Variants in OCA2 observed in about 807,000 individuals in gnomAD.
OCA2 encodes OCA2 melanosomal transmembrane protein.
Under a neutral mutation model 100.2 loss-of-function variants are expected in OCA2, and 77 were observed. The observed-to-expected ratio is 0.77, with a 90% CI of 0.64 to 0.93. The LOEUF is 0.93. Ranked by LOEUF, OCA2 falls within the 40% of genes least tolerant of loss-of-function variation. The pLI, the probability that OCA2 is intolerant of heterozygous loss-of-function variation, is 0.00. For synonymous variants in OCA2, 432 were observed against 439.2 expected (o/e 0.98, Z 0.21); for missense variants, 1,062 against 1,089.1 (o/e 0.98, Z 0.35).
intron 23 of OCA2, among the ~76,000 whole-genome samples, chr15:27,834,793 T>C (rs2035085497): frequency 6.6e-6 from 1 of 152,216 alleles, no homozygotes; most frequent in Non-Finnish European, 1.5e-5. Context: ...TGGTAACTAG[T>C]GGCTCCTGTC....
At chr15:27,974,724 C>G (rs771254533) in intron 14 of OCA2, among the ~76,000 whole-genome samples, 1 of 152,122 alleles carries the variant, frequency 6.6e-6, no homozygotes, top group Admixed American at 6.5e-5. Flanking sequence ...GCCAAGATCA[C>G]GCTACTGCAC....
At chr15:27,952,317 C>T (rs1214795043) in intron 17 of OCA2, among the ~76,000 whole-genome samples, 2 of 152,234 alleles carry the variant, frequency 1.3e-5, no homozygotes, top group Admixed American at 1.3e-4. Context: ...ATGCATGAGG[C>T]CCCTGGAATG....
At chr15:27,803,106 C>G (rs1309967208) in intron 23 of OCA2, among the ~76,000 whole-genome samples, 3 of 152,156 alleles carry the variant, frequency 2.0e-5, no homozygotes, top group Admixed American at 6.6e-5. Context: ...GAACAAGACA[C>G]TTTATCAAAG....
chr15:27,954,116 TACACACACACACACACACACAC>T (rs200633980), intron 17 of OCA2, among the ~76,000 whole-genome samples: 1 of 46,500 alleles, frequency 2.2e-5, no homozygotes, highest in African/African-American at 3.6e-5. Context: ...TTCCATGGCA[TACACACACACACACACACACAC>T]ACACACACAC....
intron 20 of OCA2, 21 bp downstream of exon 20, chr15:27,871,842 C>T (rs1365049870): frequency 1.3e-6 from 2 of 1,502,484 alleles, no homozygotes; most frequent in Non-Finnish European, 1.9e-6. Flanking sequence ...GGAGTGCCTT[C>T]TATTATAGCA....
chr15:27,765,151 C>T (rs2031157085), intron 23 of OCA2, among the ~76,000 whole-genome samples: 3 of 152,146 alleles, frequency 2.0e-5, no homozygotes. Context: ...GGCCAGGTCT[C>T]ACGGACGCAG....
chr15:28,068,179 A>G (rs1485643591), intron 2 of OCA2, among the ~76,000 whole-genome samples: 2 of 152,182 alleles, frequency 1.3e-5, no homozygotes, highest in African/African-American at 4.8e-5. Flanking sequence ...TTTGCATGGT[A>G]GATTTTACTC....
chr15:27,830,033 T>A (rs1274932702), intron 23 of OCA2, among the ~76,000 whole-genome samples: 1 of 152,264 alleles, frequency 6.6e-6, no homozygotes, highest in Non-Finnish European at 1.5e-5. Context: ...AAAATAATAA[T>A]TGGCTTTTTA....
intron 6 of OCA2, among the ~76,000 whole-genome samples, chr15:28,019,032 G>A (rs1016106062): frequency 6.6e-6 from 1 of 152,116 alleles, no homozygotes; most frequent in African/African-American, 2.4e-5. Flanking sequence ...CCTTTTTCTT[G>A]TTAACCTGTC....
rs181093957 is a variant in OCA2, at chr15:27,762,019, G to A, written c.2433-6547C>T. ...TTATTTTTGACAAAGATGCAAAAGT[G>A]AGTCTTTGCAAGAATAGCCTTTTCT... On this transcript the variant is annotated intron_variant, in intron 23 of 23. Coordinates refer to ENST00000354638, the MANE Select transcript of OCA2 (RefSeq NM_000275.3). Among the ~76,000 whole-genome samples the A allele has an allele frequency of 7.9e-5, 12 of 152,270 alleles. No individual in the cohort carries two copies. The East Asian group carries it at 2.3e-3, about 29-fold the overall frequency.
chr15:27,876,281 T>C (rs968740490), intron 19 of OCA2, among the ~76,000 whole-genome samples: 2 of 152,128 alleles, frequency 1.3e-5, no homozygotes, highest in African/African-American at 2.4e-5. Flanking sequence ...TTATTGAATG[T>C]TAAATCAACC....
Position 27,894,546 on chromosome 15 carries a change from C to T in OCA2, c.2080-22624G>A, listed in dbSNP as rs184216293. 2.7e-3 allele frequency among the ~76,000 whole-genome samples: 410 copies of T among 152,188 alleles called. 2 individuals carry two copies. Among genetic ancestry groups the T allele is most frequent in the African/African-American group, 9.5e-3 (395 of 41,524 alleles). ...TCTAAGCTAAACCTGGTGACCTTTT[C>T]GAAGGAAAGAAAAGAGTGAGGAGAC... On this transcript the variant is annotated intron_variant, in intron 19 of 23. Coordinates refer to ENST00000354638, the MANE Select transcript of OCA2 (RefSeq NM_000275.3).
At chr15:27,856,357 G>C (rs756729464) in intron 21 of OCA2, among the ~76,000 whole-genome samples, 2 of 152,170 alleles carry the variant, frequency 1.3e-5, no homozygotes, top group Non-Finnish European at 2.9e-5. Context: ...CTAGAGTGTA[G>C]TCAAACACCT....
chr15:27,951,720 G>T, intron 18 of OCA2, 64 bp downstream of exon 18: 2 of 1,184,278 alleles, frequency 1.7e-6, no homozygotes, highest in Non-Finnish European at 1.3e-6. Flanking sequence ...TCTGGGAACA[G>T]GCTCTGAAAC....
At chr15:28,069,218 G>T (rs1293696237) in intron 2 of OCA2, among the ~76,000 whole-genome samples, 1 of 151,922 alleles carries the variant, frequency 6.6e-6, no homozygotes, top group East Asian at 1.9e-4. Flanking sequence ...ATTGATAAAT[G>T]ACTTTAGTAA....
At chr15:28,003,995 G>A (rs1014128379) in intron 9 of OCA2, among the ~76,000 whole-genome samples, 14 of 152,196 alleles carry the variant, frequency 9.2e-5, no homozygotes, top group African/African-American at 3.4e-4. Flanking sequence ...CGCGCTGCGC[G>A]CCCGCGCGGA....
intron 18 of OCA2, among the ~76,000 whole-genome samples, chr15:27,948,918 A>C (rs1482650258): frequency 6.6e-6 from 1 of 152,232 alleles, no homozygotes; most frequent in African/African-American, 2.4e-5. Context: ...AGACAAGATC[A>C]GTCCTTGCCA....
the OCA2 span, among the ~76,000 whole-genome samples, chr15:27,748,860 T>C: frequency 7.2e-5 from 11 of 152,182 alleles, no homozygotes; most frequent in Non-Finnish European, 1.6e-4. Flanking sequence ...ACTTGCTGAA[T>C]GTGTTCAACA....
intron 22 of OCA2, among the ~76,000 whole-genome samples, chr15:27,849,845 T>TAA (rs2035682051): frequency 6.6e-6 from 1 of 152,146 alleles, no homozygotes; most frequent in Non-Finnish European, 1.5e-5. Context: ...ATAATTTCTG[T>TAA]AAAATGCTAA....
Sources: allele counts gnomAD v4.1 joint callset (sites outside exome capture counted in the v4.1 genomes callset), GRCh38; gene constraint gnomAD v4.1.1; transcripts MANE v1.5; gene names NCBI Gene and HGNC (gene_info 2026-07-23, HGNC 2026-07-21).